The following EDN3 variants were observed in gnomAD, a reference collection of about 807,000 sequenced individuals.
EDN3 encodes endothelin-3.
A neutral mutation model predicts 21.4 loss-of-function variants in EDN3; 9 were observed. The ratio of observed to expected loss-of-function variants is 0.42; its 90% CI spans 0.25 to 0.73. The LOEUF is 0.73. EDN3 is among the 30% of genes least tolerant of loss of function. The pLI is 0.26. For missense variants in EDN3, 327 were observed against 309.4 expected (o/e 1.06, Z -0.43); for synonymous variants, 133 against 126.2 (o/e 1.05, Z -0.36).
Position 59,321,123 on chromosome 20 carries a change from C to G in EDN3, c.472C>G (p.Arg158Gly). 2 of 1,614,234 alleles carry G rather than the reference C, an allele frequency of 1.2e-6. No individual in the cohort carries two copies. The highest frequency in any genetic ancestry group is 4.5e-5 in the East Asian group (2 of 44,882). The change falls in exon 3 of 5, where the codon CGC (arginine) becomes GGC (glycine). Residue 158 changes from arginine to glycine, a missense_variant. Physicochemically the swap from Arg to Gly is moderately radical, Grantham distance 125 (BLOSUM62 -2). Transcript: ENST00000337938. ...GCAGCTCTCACATCGGCCACACTTG[C>G]GCTGCGCTTGTGTGGGGAGATATGA... ...NLQLSHRPHL[R>G]CACVGRYDKA...
chr20:59,308,128 G>A (rs1436849698), intron 2 of EDN3, among the ~76,000 whole-genome samples: 2 of 152,130 alleles, frequency 1.3e-5, no homozygotes, highest in Non-Finnish European at 1.5e-5. Context: ...TTCTCTGTGG[G>A]TAAGAGGGGC....
chr20:59,304,390 T>A (rs1301939620), intron 2 of EDN3, among the ~76,000 whole-genome samples: 1 of 152,190 alleles, frequency 6.6e-6, no homozygotes, highest in East Asian at 1.9e-4. Flanking sequence ...GCCCTCTTCA[T>A]TCATGGACTG....
intron 2 of EDN3, among the ~76,000 whole-genome samples, chr20:59,319,726 C>CAAAAAAAAAAAAAAAAAAAAAA (rs528500611): frequency 1.9e-5 from 1 of 52,374 alleles, no homozygotes; most frequent in African/African-American, 5.8e-5. Flanking sequence ...GACTCTGTCT[C>CAAAAAAAAAAAAAAAAAAAAAA]AAAAAAAAAA....
chr20:59,314,471 A>T (rs1049572491), intron 2 of EDN3, among the ~76,000 whole-genome samples: 14 of 152,014 alleles, frequency 9.2e-5, no homozygotes, highest in Middle Eastern at 3.4e-3. Context: ...AAGAAGCCCT[A>T]GGCTCTGAAA....
At chr20:59,315,717 G>T (rs1020976942) in intron 2 of EDN3, among the ~76,000 whole-genome samples, 1 of 152,164 alleles carries the variant, frequency 6.6e-6, no homozygotes, top group African/African-American at 2.4e-5. Flanking sequence ...TAAAAAAGAT[G>T]AGCGAAGGGG....
At chr20:59,321,249 G>C (rs949353997) in intron 3 of EDN3, 56 bp downstream of exon 3, 24 of 1,585,362 alleles carry the variant, frequency 1.5e-5, no homozygotes, top group Non-Finnish European at 2.0e-5. Flanking sequence ...CCCTCGGCAA[G>C]GCCAGGCCAG....
intron 2 of EDN3, among the ~76,000 whole-genome samples, chr20:59,320,175 A>G (rs954976965): frequency 6.6e-6 from 1 of 152,208 alleles, no homozygotes; most frequent in Non-Finnish European, 1.5e-5. Context: ...GGCTCTTCTG[A>G]GGCTGGTTCC....
intron 2 of EDN3, 84 bp from the exon 3 acceptor site, chr20:59,320,933 C>G (rs570934824): frequency 1.4e-6 from 2 of 1,442,544 alleles, no homozygotes; most frequent in Non-Finnish European, 1.9e-6. Flanking sequence ...TTCAGCCAGG[C>G]GGTGGTTCTC....
intron 4 of EDN3, 84 bp from the exon 5 acceptor site, chr20:59,324,247 T>A: frequency 6.4e-7 from 1 of 1,569,646 alleles, no homozygotes; most frequent in South Asian, 1.1e-5. Context: ...AGACGTTCCC[T>A]TTTTCAGCTT....
At position 59,300,707 on chromosome 20, in the gene EDN3, C is replaced by A; in HGVS notation, c.-106C>A. On this transcript the variant is annotated 5_prime_UTR_variant, in exon 1 of 5. Transcript: ENST00000337938. The stretch of plus-strand genomic sequence containing the variant: ...CAGCGAGCGATCGGCCGGCCTCGAA[C>A]CCCCACAGCTGGAGGGCGAGGCCAG... The A allele has an allele frequency of 8.2e-7, 1 of 1,213,594 alleles. No individual in the cohort carries two copies. Among genetic ancestry groups the A allele is most frequent in the Non-Finnish European group, 1.2e-6 (1 of 860,340 alleles). 75.2% of individuals were successfully genotyped at this position (1,213,594 alleles called of 1,614,324 possible).
intron 2 of EDN3, among the ~76,000 whole-genome samples, chr20:59,303,925 A>G (rs1989221983): frequency 6.6e-6 from 1 of 152,214 alleles, no homozygotes; most frequent in South Asian, 2.1e-4. Context: ...TACTTGGGAA[A>G]CAAAAACGAC....
rs79321098 is a variant in EDN3, at chr20:59,305,756, C to T, written c.365+4034C>T. 3.0e-3 allele frequency among the ~76,000 whole-genome samples: 454 copies of T among 152,272 alleles called. 2 individuals are homozygous for T. Among genetic ancestry groups the T allele is most frequent in the Non-Finnish European group, 5.0e-3 (343 of 68,016 alleles). ...TCTGGAAGCAGAATTCTTTTCTGTT[C>T]GGGAACCTGTCTTTTCTGTGAAGGC... On this transcript the variant is annotated intron_variant, in intron 2 of 4. Coordinates refer to ENST00000337938, the MANE Select transcript of EDN3 (RefSeq NM_207034.3). This position sits in a 1 kb window ranked among gnomAD's most constrained non-coding sequence, Gnocchi z 4.2.
At chr20:59,318,189 G>C (rs991209095) in intron 2 of EDN3, among the ~76,000 whole-genome samples, 1 of 152,234 alleles carries the variant, frequency 6.6e-6, no homozygotes, top group Non-Finnish European at 1.5e-5. Flanking sequence ...GGTGACAGCT[G>C]CTTACAGGAT....
chr20:59,309,075 C>T (rs1390487710), intron 2 of EDN3, among the ~76,000 whole-genome samples: 1 of 152,224 alleles, frequency 6.6e-6, no homozygotes, highest in East Asian at 1.9e-4. Flanking sequence ...CAGTCCCGCC[C>T]TTCCAGCCCC....
chr20:59,310,803 A>G (rs197185), intron 2 of EDN3, among the ~76,000 whole-genome samples: 23,917 of 133,220 alleles, frequency 0.18, 5,321 homozygotes, highest in African/African-American at 0.53. Flanking sequence ...GCTGGTGGAC[A>G]GTTTCGCCCC....
rs1030078945 is a variant in EDN3 at position 59,324,594 on chromosome 20, C to A, written c.*135C>A. 35 of 1,189,194 alleles carry A rather than the reference C, an allele frequency of 2.9e-5. No individual in the cohort carries two copies. Among genetic ancestry groups the A allele is most frequent in the Non-Finnish European group, 3.7e-5 (31 of 842,550 alleles). The allele number at this position is 1,189,194 out of a possible 1,614,324, so 73.7% of individuals were successfully genotyped here. ...ACCCACCCAAAGAGTCCCCACTTAA[C>A]AATACCCCCCCCCCACGGCAAGAAT... On this transcript the variant is annotated 3_prime_UTR_variant, in exon 5 of 5. Transcript: ENST00000337938.
At position 59,322,074 on chromosome 20, in the gene EDN3, G is replaced by A. The variant is rs941621023; in HGVS notation, c.543-298G>A. On this transcript the variant is annotated intron_variant, in intron 3 of 4. Coordinates refer to ENST00000337938, the MANE Select transcript of EDN3 (RefSeq NM_207034.3). The surrounding 1 kb of genome is among the most constrained non-coding windows in gnomAD (Gnocchi z 4.1). ...CTCCCAACACCCCAACAAGGCAGAC[G>A]GTAGCGCTCAGGACCCCAGGATCTG... 6.6e-6 allele frequency among the ~76,000 whole-genome samples: 1 copy of A among 152,178 alleles called. No individual in the cohort carries two copies. Among genetic ancestry groups the A allele is most frequent in the Non-Finnish European group, 1.5e-5 (1 of 68,040 alleles).
intron 3 of EDN3, among the ~76,000 whole-genome samples, chr20:59,321,611 G>T (rs7263687): frequency 1.4e-4 from 22 of 152,176 alleles, no homozygotes; most frequent in African/African-American, 2.2e-4. Context: ...TATTGGGAGG[G>T]GGGGGAACCC....
At position 59,322,161 on chromosome 20, in the gene EDN3, C is replaced by T. The variant is rs182997175; in HGVS notation, c.543-211C>T. On this transcript the variant is annotated intron_variant, in intron 3 of 4. Coordinates refer to ENST00000337938, the MANE Select transcript of EDN3 (RefSeq NM_207034.3). This position sits in a 1 kb window ranked among gnomAD's most constrained non-coding sequence, Gnocchi z 4.1. ...CCCCCCTTCTGGGCTTTTAAACATCCGATGAATAAGTGAGTGGTGAGTATA... is the reference window on the plus strand; with the variant it reads ...CCCCCCTTCTGGGCTTTTAAACATCTGATGAATAAGTGAGTGGTGAGTATA... 2.6e-3 allele frequency among the ~76,000 whole-genome samples: 397 copies of T among 152,234 alleles called. 1 individual carries two copies. The highest frequency in any genetic ancestry group is 8.4e-3 in the African/African-American group (348 of 41,540).
Sources: gnomAD v4.1 joint callset for allele counts (sites outside exome capture counted in the v4.1 genomes callset) on GRCh38, gnomAD v4.1.1 for gene constraint, Gnocchi (gnomAD v3.1) non-coding constraint, MANE v1.5 for transcripts, NCBI Gene and HGNC (gene_info 2026-07-23, HGNC 2026-07-21) for gene names.